TENM3: variants seen among roughly 807,000 people sequenced by gnomAD.
TENM3 encodes the protein teneurin-3.
TENM3 carries 63 observed loss-of-function variants against 255.1 expected under a neutral mutation model. That is an observed-to-expected ratio of 0.25 (90% confidence interval 0.20 to 0.30). The LOEUF (loss-of-function observed/expected upper bound fraction) is 0.30, where lower values mean the gene tolerates loss of function less well. Ranked by LOEUF, TENM3 falls within the 10% of genes least tolerant of loss-of-function variation. TENM3 has a pLI of 1.00. For missense variants in TENM3, 2,929 were observed against 3,461.1 expected, an observed-to-expected ratio of 0.85 and a Z score of 3.86; for synonymous variants, 1,306 against 1,322.3, an observed-to-expected ratio of 0.99 and a Z score of 0.27.
chr4:181,974,887 C>T, the TENM3 span, among the ~76,000 whole-genome samples: 1 of 152,114 alleles, frequency 6.6e-6, no homozygotes, highest in Non-Finnish European at 1.5e-5. Flanking sequence ...ACCCATCACC[C>T]AAATATTGAA....
chr4:181,541,217 T>C, the TENM3 span, among the ~76,000 whole-genome samples: 1 of 151,644 alleles, frequency 6.6e-6, no homozygotes, highest in Non-Finnish European at 1.5e-5. Context: ...CTACAAAAAA[T>C]AAAAATTAAA....
chr4:182,320,111 TAAA>T (rs66988803), intron 1 of TENM3, among the ~76,000 whole-genome samples: 1 of 149,564 alleles, frequency 6.7e-6, no homozygotes. Context: ...AAACTCCGTC[TAAA>T]AAAAAAAAAA....
At chr4:181,995,950 C>T in the TENM3 span, among the ~76,000 whole-genome samples, 1 of 152,222 alleles carries the variant, frequency 6.6e-6, no homozygotes, top group East Asian at 1.9e-4. Flanking sequence ...CACAGTGACA[C>T]CTCACTAGCA....
intron 1 of TENM3, among the ~76,000 whole-genome samples, chr4:182,183,663 C>T (rs954410679): frequency 8.5e-5 from 13 of 152,166 alleles, no homozygotes; most frequent in Admixed American, 3.9e-4. Context: ...GTTTTTACTG[C>T]GTCCTCAACC....
the TENM3 span, among the ~76,000 whole-genome samples, chr4:181,826,314 T>C: frequency 6.6e-6 from 1 of 152,146 alleles, no homozygotes; most frequent in Non-Finnish European, 1.5e-5. Context: ...AGAAAAACAA[T>C]TGTTAGATGT....
chr4:182,149,559 G>A (rs1399448429), intron 1 of TENM3, among the ~76,000 whole-genome samples: 3 of 151,644 alleles, frequency 2.0e-5, no homozygotes, highest in Non-Finnish European at 4.4e-5. Context: ...ACCATATCAT[G>A]TAATAATAAT....
the TENM3 span, among the ~76,000 whole-genome samples, chr4:181,828,297 C>T: frequency 6.6e-6 from 1 of 152,194 alleles, no homozygotes; most frequent in Non-Finnish European, 1.5e-5. Context: ...ATGGCCCAGG[C>T]CAAAGGCTTC....
the TENM3 span, among the ~76,000 whole-genome samples, chr4:181,668,500 A>G: frequency 3.9e-5 from 6 of 152,292 alleles, 1 homozygote; most frequent in East Asian, 1.2e-3. Context: ...AGCTGCTGCT[A>G]CGGGTCTCTC....
chr4:181,708,438 C>T, the TENM3 span, among the ~76,000 whole-genome samples: 2 of 151,936 alleles, frequency 1.3e-5, no homozygotes, highest in Admixed American at 1.3e-4. Context: ...TAAGAGAAAA[C>T]CTAGTTGAAT....
the TENM3 span, among the ~76,000 whole-genome samples, chr4:181,880,464 T>C: frequency 2.0e-5 from 3 of 152,132 alleles, no homozygotes; most frequent in African/African-American, 7.2e-5. Context: ...AAAAAAGACA[T>C]AGAGGAATTA....
chr4:182,651,774 A>G (rs1218335823), intron 5 of TENM3, among the ~76,000 whole-genome samples: 1 of 152,092 alleles, frequency 6.6e-6, no homozygotes, highest in African/African-American at 2.4e-5. Context: ...GACTATATAC[A>G]TTTATTTAAA....
At chr4:182,671,240 T>A (rs1163785030) in intron 6 of TENM3, among the ~76,000 whole-genome samples, 1 of 152,180 alleles carries the variant, frequency 6.6e-6, no homozygotes, top group African/African-American at 2.4e-5. Flanking sequence ...AGGTTTAGTA[T>A]CTTCCTTAAG....
chr4:181,972,749 G>A, the TENM3 span, among the ~76,000 whole-genome samples: 1 of 152,204 alleles, frequency 6.6e-6, no homozygotes, highest in Non-Finnish European at 1.5e-5. Context: ...GACCGAGATT[G>A]AATTTCCAGA....
the TENM3 span, among the ~76,000 whole-genome samples, chr4:181,757,523 C>A: frequency 7.2e-5 from 11 of 152,296 alleles, no homozygotes; most frequent in Non-Finnish European, 1.3e-4. Flanking sequence ...ACCAGGAATT[C>A]TTTTCAGATC....
intron 3 of TENM3, among the ~76,000 whole-genome samples, chr4:182,503,398 C>T (rs1736507968): frequency 6.6e-6 from 1 of 152,150 alleles, no homozygotes; most frequent in Non-Finnish European, 1.5e-5. Context: ...AGTTATTCCT[C>T]TCCAGTTTTG....
chr4:182,047,087 A>T, the TENM3 span, among the ~76,000 whole-genome samples: 13 of 151,932 alleles, frequency 8.6e-5, no homozygotes, highest in Non-Finnish European at 1.6e-4. Context: ...GCTTCTGACT[A>T]GAAAGTTCTG....
chr4:182,766,731 G>C (rs2152779912), intron 22 of TENM3, among the ~76,000 whole-genome samples: 1 of 152,116 alleles, frequency 6.6e-6, no homozygotes, highest in Non-Finnish European at 1.5e-5. Flanking sequence ...TGTTAGCTGG[G>C]GGGTGTTTGA....
At chr4:182,402,681 C>G (rs567474856) in intron 3 of TENM3, among the ~76,000 whole-genome samples, 8 of 152,042 alleles carry the variant, frequency 5.3e-5, no homozygotes, top group Non-Finnish European at 1.0e-4. Flanking sequence ...CTGTTTGCTG[C>G]GCTTGCCTAG....
intron 19 of TENM3, among the ~76,000 whole-genome samples, chr4:182,744,602 T>C (rs1359114613): frequency 6.6e-6 from 1 of 152,110 alleles, no homozygotes; most frequent in Non-Finnish European, 1.5e-5. Context: ...TCTAGAAATA[T>C]TTTACCTTGG....
Sources: gnomAD v4.1 joint callset for allele counts (sites outside exome capture counted in the v4.1 genomes callset) on GRCh38, gnomAD v4.1.1 for gene constraint, MANE v1.5 for transcripts, NCBI Gene and HGNC (gene_info 2026-07-23, HGNC 2026-07-21) for gene names.